Variants in METTL6 observed in about 807,000 individuals in gnomAD.
METTL6 encodes the protein methyltransferase 6, tRNA N3-cytidine.
A neutral mutation model predicts 26.4 loss-of-function variants in METTL6; 22 were observed. The ratio of observed to expected loss-of-function variants is 0.83; its 90% CI spans 0.59 to 1.19. The LOEUF is 1.19. METTL6 is among the 50% of genes most tolerant of loss of function. The pLI, the probability that METTL6 is intolerant of heterozygous loss-of-function variation, is 0.00. For synonymous variants in METTL6, 109 were observed against 116.2 expected, an observed-to-expected ratio of 0.94 and a Z score of 0.40; for missense variants, 304 against 324.8, an observed-to-expected ratio of 0.94 and a Z score of 0.49.
chr3:15,407,715 C>A (rs1346013470), downstream of METTL6, among the ~76,000 whole-genome samples: 1 of 152,156 alleles, frequency 6.6e-6, no homozygotes, highest in Non-Finnish European at 1.5e-5. Flanking sequence ...CCCTTTCAGT[C>A]CTCTTCATCC....
intron 5 of METTL6, among the ~76,000 whole-genome samples, chr3:15,412,957 T>G (rs1302471940): frequency 6.6e-6 from 1 of 152,130 alleles, no homozygotes; most frequent in Non-Finnish European, 1.5e-5. Flanking sequence ...TTTAAATACC[T>G]CTTTAGGCTG....
At chr3:15,393,713 C>T (rs1389828570) in intron 6 of METTL6, among the ~76,000 whole-genome samples, 4 of 152,064 alleles carry the variant, frequency 2.6e-5, no homozygotes, top group African/African-American at 7.2e-5. Flanking sequence ...TGAAGGGCTG[C>T]TGAATTTTGT....
At chr3:15,413,641 G>T (rs1700064137) in intron 5 of METTL6, 1 of 1,179,434 alleles carries the variant, frequency 8.5e-7, no homozygotes, top group Non-Finnish European at 1.1e-6. Context: ...TCCTGACTTT[G>T]TGCCATGGGA....
intron 6 of METTL6, among the ~76,000 whole-genome samples, chr3:15,398,600 C>T (rs1054956259): frequency 2.0e-5 from 3 of 152,192 alleles, no homozygotes; most frequent in Non-Finnish European, 4.4e-5. Context: ...GTAATCCCAA[C>T]ACTTTGAAAG....
intron 2 of METTL6, 43 bp from the exon 3 acceptor site, chr3:15,425,132 TAATGAAGA>T (rs2061689239): frequency 6.2e-7 from 1 of 1,603,686 alleles, no homozygotes; most frequent in South Asian, 1.1e-5. Flanking sequence ...CACATTTGCA[TAATGAAGA>T]AATAAACCAA....
intron 6 of METTL6, among the ~76,000 whole-genome samples, chr3:15,384,797 T>C (rs1198796763): frequency 1.3e-5 from 2 of 152,328 alleles, no homozygotes; most frequent in South Asian, 2.1e-4. Context: ...ATCACTGTTA[T>C]ATAAAACATT....
At chr3:15,395,607 C>T (rs972024275) in intron 6 of METTL6, among the ~76,000 whole-genome samples, 2 of 152,004 alleles carry the variant, frequency 1.3e-5, no homozygotes, top group African/African-American at 4.8e-5. Context: ...ATGGTCTTTA[C>T]AATTTGGCAT....
At chr3:15,383,317 G>C (rs906008931) in exon 7 of METTL6, 2 of 152,020 alleles carry the variant, frequency 1.3e-5, no homozygotes, top group Admixed American at 1.3e-4. Flanking sequence ...AGAGGGCAAA[G>C]GGGAAGTTTG....
chr3:15,426,430 A>G lies in METTL6; in HGVS notation c.82T>C (p.Leu28=). 6.2e-7 allele frequency: 1 copy of G among 1,614,208 alleles called. No homozygotes were observed. Among genetic ancestry groups the G allele is most frequent in the South Asian group, 1.1e-5 (1 of 91,082 alleles). ...TTCTGCTGTTTAAAATCAGACACCA[A>G]AGTTTGGTCTCTTTTCAGTTTCTCC... ...EEEKLKRDQT[L]VSDFKQQKLE... is the part of the protein sequence containing the mutation. Residue 28 remains leucine (L), a synonymous_variant, in exon 2 of 6, where the codon TTG becomes CTG. Coordinates refer to ENST00000383790, the MANE Select transcript of METTL6 (RefSeq NM_152396.4).
At chr3:15,382,750 A>G (rs1575377282) in exon 7 of METTL6, 1 of 152,088 alleles carries the variant, frequency 6.6e-6, no homozygotes, top group African/African-American at 2.4e-5. Context: ...CAGCAAAAGG[A>G]TATTTTTATC....
In METTL6 at chr3:15,427,474, G is replaced by C. The variant is rs900239790; in HGVS notation, c.-197C>G. 2.2e-6 allele frequency: 1 copy of C among 445,074 alleles called. No individual in the cohort carries two copies. The highest frequency in any genetic ancestry group is 2.1e-5 in the African/African-American group (1 of 48,756). The allele number at this position is 445,074 out of a possible 1,614,324, so 27.6% of individuals were successfully genotyped here. A position where few individuals can be genotyped will look rare whatever the true frequency, so the allele number is the denominator to read the frequency against. On this transcript the variant is annotated 5_prime_UTR_variant, in exon 1 of 6. An upstream open reading frame in the 5' UTR gains an earlier in-frame stop. Transcript: ENST00000383790. Reference sequence around the variant, plus strand: ...CGCGAAACAACCCTAAACCAATTCTGAGGACCACGAATTCGGATTATCCGG... The same window carrying C: ...CGCGAAACAACCCTAAACCAATTCTCAGGACCACGAATTCGGATTATCCGG...
At position 15,421,211 on chromosome 3, in the gene METTL6, C is replaced by A. The variant is rs1042808590; in HGVS notation, c.360+3744G>T. 2.6e-5 allele frequency among the ~76,000 whole-genome samples: 4 copies of A among 152,114 alleles called. No individual in the cohort carries two copies. The South Asian group carries it at 8.3e-4, about 32-fold the overall frequency. On this transcript the variant is annotated intron_variant, in intron 3 of 5. Coordinates refer to ENST00000383790, the MANE Select transcript of METTL6 (RefSeq NM_152396.4). ...GGACAGAGTTTATTATTTTGCAACA[C>A]CTAAGCTTCATAGATGTCTTGATGT...
At chr3:15,421,861 G>A (rs112845337) in intron 3 of METTL6, among the ~76,000 whole-genome samples, 78 of 152,308 alleles carry the variant, frequency 5.1e-4, no homozygotes, top group African/African-American at 1.4e-3. Context: ...GCAGTGAGCC[G>A]AGATCGTGCC....
At chr3:15,413,133 T>C (rs950788890) in intron 5 of METTL6, among the ~76,000 whole-genome samples, 2 of 152,148 alleles carry the variant, frequency 1.3e-5, no homozygotes, top group Non-Finnish European at 2.9e-5. Context: ...TAATCCTTGC[T>C]ACTTGGGAGG....
At chr3:15,413,982 A>G (rs767446196) in intron 5 of METTL6, 39 bp downstream of exon 5, 8 of 1,613,240 alleles carry the variant, frequency 5.0e-6, no homozygotes, top group Non-Finnish European at 6.8e-6. Flanking sequence ...ACAGAAACAA[A>G]GAATAAAACA....
chr3:15,413,980 A>C (rs371686747), intron 5 of METTL6, 41 bp downstream of exon 5: 4 of 1,613,076 alleles, frequency 2.5e-6, no homozygotes, highest in African/African-American at 2.7e-5. Context: ...AAACAGAAAC[A>C]AAGAATAAAA....
downstream of METTL6, among the ~76,000 whole-genome samples, chr3:15,405,281 C>A (rs914165123): frequency 6.6e-6 from 1 of 152,114 alleles, no homozygotes. Context: ...AAAATGCTTC[C>A]CAGATTTAAC....
chr3:15,395,863 A>C (rs1379609946), intron 6 of METTL6, among the ~76,000 whole-genome samples: 2 of 152,206 alleles, frequency 1.3e-5, no homozygotes, highest in East Asian at 1.9e-4. Context: ...CTGAGAGATC[A>C]GCTGTTAGTC....
chr3:15,399,867 T>C (rs1045726407), intron 6 of METTL6, among the ~76,000 whole-genome samples: 2 of 152,026 alleles, frequency 1.3e-5, no homozygotes, highest in African/African-American at 4.8e-5. Context: ...AAATATACTT[T>C]GGCATATTTT....
Sources: allele counts gnomAD v4.1 joint callset (sites outside exome capture counted in the v4.1 genomes callset), GRCh38; gene constraint gnomAD v4.1.1; transcripts MANE v1.5; gene names NCBI Gene and HGNC (gene_info 2026-07-23, HGNC 2026-07-21).